The following CDC42BPB variants were observed in gnomAD, a reference collection of about 807,000 sequenced individuals.
The protein encoded by CDC42BPB is CDC42 binding protein kinase beta.
Under a neutral mutation model 214.9 loss-of-function variants are expected in CDC42BPB, and 37 were observed. The ratio of observed to expected loss-of-function variants is 0.17; its 90% confidence interval spans 0.13 to 0.23. The LOEUF is 0.23. Among genes scored for constraint, CDC42BPB ranks in the 10% least tolerant of loss-of-function variants. The pLI, the probability that CDC42BPB is intolerant of heterozygous loss-of-function variation, is 1.00. For missense variants in CDC42BPB, 1,694 were observed against 2,227.0 expected (o/e 0.76, Z 4.82); for synonymous variants, 931 against 884.0 (o/e 1.05, Z -0.94).
intron 25 of CDC42BPB, chr14:102,950,164 G>A: frequency 1.1e-6 from 1 of 924,300 alleles, no homozygotes; most frequent in Non-Finnish European, 1.3e-6. Flanking sequence ...CAGCCCGACA[G>A]TCTCGTAGAG....
chr14:102,946,986 A>G (rs1279699811), intron 27 of CDC42BPB: 3 of 419,262 alleles, frequency 7.2e-6, no homozygotes, highest in Non-Finnish European at 9.6e-6. Context: ...AATAATCATT[A>G]TAAAAGTAGA....
rs1343037423 is a variant in CDC42BPB at position 103,029,475 on chromosome 14, G to A, written c.176-17287C>T. The stretch of plus-strand genomic sequence containing the variant: ...GGAGAATGGCATGAACCTGGGAGAC[G>A]GAGCTTGCAGTGAGCCGAGATTGTG... On this transcript the variant is annotated intron_variant, in intron 1 of 36. Transcript: ENST00000361246. 5.3e-5 allele frequency among the ~76,000 whole-genome samples: 8 copies of A among 151,760 alleles called. No homozygotes were observed. In the East Asian group the frequency reaches 7.8e-4, roughly 15 times the overall value.
Position 102,966,268 on chromosome 14 carries a change from T to C in CDC42BPB, c.2577+14A>G, listed in dbSNP as rs1472369932. 8 of 1,585,988 alleles carry C rather than the reference T, an allele frequency of 5.0e-6. No homozygotes were observed. The highest frequency in any genetic ancestry group is 6.9e-6 in the Non-Finnish European group (8 of 1,154,574). On this transcript the variant is annotated intron_variant, in intron 18 of 36. Coordinates refer to ENST00000361246, the MANE Select transcript of CDC42BPB (RefSeq NM_006035.4). Reference sequence around the variant, plus strand: ...TATTCAGTAATAGAAATGCAGGCATTACACAAAACCTACCAGTGTTCTTGA... The same window carrying C: ...TATTCAGTAATAGAAATGCAGGCATCACACAAAACCTACCAGTGTTCTTGA...
At chr14:103,027,187 A>G (rs1887101205) in intron 1 of CDC42BPB, among the ~76,000 whole-genome samples, 1 of 152,198 alleles carries the variant, frequency 6.6e-6, no homozygotes, top group Non-Finnish European at 1.5e-5. Flanking sequence ...ACAAATCATA[A>G]CAAGCGTTGG....
Position 103,057,278 on chromosome 14 carries a change from G to T in CDC42BPB, c.-105C>A. The T allele has an allele frequency of 8.8e-7, 1 of 1,136,946 alleles. No homozygotes were observed. The highest frequency in any genetic ancestry group is 1.1e-6 in the Non-Finnish European group (1 of 928,064). The allele number at this position is 1,136,946 out of a possible 1,614,324, so 70.4% of individuals were successfully genotyped here. On this transcript the variant is annotated 5_prime_UTR_variant, in exon 1 of 37. In the 5' UTR this introduces an upstream ATG that the reference lacks. Transcript: ENST00000361246. ...TCGGCGGCTGCGAGCCCCGGCAGCAGCGGCGCCTCCTCGCCGCCCCGTCCG... is the reference window on the plus strand; with the variant it reads ...TCGGCGGCTGCGAGCCCCGGCAGCATCGGCGCCTCCTCGCCGCCCCGTCCG...
At position 102,983,589 on chromosome 14, in the gene CDC42BPB, G is replaced by T; in HGVS notation, c.858C>A (p.Leu286=). The T allele has an allele frequency of 6.2e-7, 1 of 1,608,246 alleles. No homozygotes were observed. Residue 286 remains leucine, a synonymous_variant, in exon 7 of 37, where the codon CTC becomes CTA. Transcript: ENST00000361246. The part of the protein sequence containing the change: ...YGETPFYAES[L]VETYGKIMNH... Reference sequence around the variant, plus strand: ...TCATGATCTTCCCATAGGTCTCCACGAGTGACTCCGCATAAAACGGCGTTT... The same window carrying T: ...TCATGATCTTCCCATAGGTCTCCACTAGTGACTCCGCATAAAACGGCGTTT...
chr14:102,993,921 G>T (rs1380413015), intron 5 of CDC42BPB, among the ~76,000 whole-genome samples: 1 of 152,192 alleles, frequency 6.6e-6, no homozygotes, highest in Non-Finnish European at 1.5e-5. Context: ...CATCATTTAG[G>T]CTTAACTTTT....
chr14:102,968,987 C>T, intron 14 of CDC42BPB: 2 of 702,368 alleles, frequency 2.8e-6, no homozygotes, highest in African/African-American at 3.9e-5. Context: ...TTGCAGCATT[C>T]TTCTGAGGGC....
At chr14:102,949,251 A>G (rs966511790) in intron 26 of CDC42BPB, among the ~76,000 whole-genome samples, 1 of 152,238 alleles carries the variant, frequency 6.6e-6, no homozygotes, top group East Asian at 1.9e-4. Flanking sequence ...CAACTCTAAG[A>G]GGAAGTGGGA....
chr14:102,945,791 C>T (rs775177678), intron 28 of CDC42BPB, 67 bp from the exon 29 acceptor site: 84 of 1,363,246 alleles, frequency 6.2e-5, no homozygotes, highest in South Asian at 5.8e-4. Flanking sequence ...GGTTTGAATG[C>T]GTGGGTGGGC....
chr14:102,941,679 T>A, intron 30 of CDC42BPB: 1 of 395,656 alleles, frequency 2.5e-6, no homozygotes, highest in Non-Finnish European at 3.4e-6. Context: ...GAAAAGATTC[T>A]AGTGAAACAG....
intron 1 of CDC42BPB, among the ~76,000 whole-genome samples, chr14:103,055,714 T>A (rs1206622267): frequency 6.6e-6 from 1 of 152,238 alleles, no homozygotes; most frequent in Non-Finnish European, 1.5e-5. Flanking sequence ...ACAGAAGCCC[T>A]CTAAAGAATA....
At chr14:103,029,384 T>C (rs974748629) in intron 1 of CDC42BPB, among the ~76,000 whole-genome samples, 11 of 145,780 alleles carry the variant, frequency 7.5e-5, no homozygotes, top group Admixed American at 4.8e-4. Context: ...TACTAAAAAA[T>C]ACAAAAAAAT....
intron 20 of CDC42BPB, among the ~76,000 whole-genome samples, chr14:102,961,103 G>T (rs1377677868): frequency 6.6e-6 from 1 of 152,048 alleles, no homozygotes; most frequent in African/African-American, 2.4e-5. Context: ...GAAAGTTGAG[G>T]CTGCAGTGAA....
chr14:103,026,808 C>T (rs1887082286), intron 1 of CDC42BPB, among the ~76,000 whole-genome samples: 3 of 151,580 alleles, frequency 2.0e-5, no homozygotes, highest in African/African-American at 4.9e-5. Flanking sequence ...GCGGAGCTTG[C>T]AGTGAGCTGA....
chr14:102,989,172 C>T (rs562600204), intron 5 of CDC42BPB, among the ~76,000 whole-genome samples: 181 of 152,142 alleles, frequency 1.2e-3, no homozygotes, highest in African/African-American at 4.1e-3. Flanking sequence ...GTCAACATCA[C>T]GAGAAAGGTG....
intron 2 of CDC42BPB, among the ~76,000 whole-genome samples, chr14:103,010,535 G>A (rs1886095739): frequency 6.6e-6 from 1 of 152,224 alleles, no homozygotes; most frequent in African/African-American, 2.4e-5. Flanking sequence ...ACTGGAAAAT[G>A]CACGCCCTGC....
At chr14:102,940,384 G>A (rs1016391580) in intron 30 of CDC42BPB, 60 bp from the exon 31 acceptor site, 44 of 1,547,160 alleles carry the variant, frequency 2.8e-5, no homozygotes, top group Admixed American at 9.8e-5. Flanking sequence ...ACCTGCCCTC[G>A]GGCCGGAGGC....
rs374768996 is a variant in CDC42BPB at position 102,964,661 on chromosome 14, G to C, written c.2578-11C>G. The C allele has an allele frequency of 1.3e-6, 2 of 1,584,298 alleles. No individual in the cohort carries two copies. Among genetic ancestry groups the C allele is most frequent in the South Asian group, 2.3e-5 (2 of 88,228 alleles). ...CTTCCACAGCGGGTCCTTGAGACACGGTCATGGCGTTAAAAATGCATTTTC... is the reference window on the plus strand; with the variant it reads ...CTTCCACAGCGGGTCCTTGAGACACCGTCATGGCGTTAAAAATGCATTTTC... On this transcript the variant is annotated splice_polypyrimidine_tract_variant and intron_variant, in intron 18 of 36. Transcript: ENST00000361246.
Sources: gnomAD v4.1 joint callset for allele counts (sites outside exome capture counted in the v4.1 genomes callset) on GRCh38, gnomAD v4.1.1 for gene constraint, MANE v1.5 for transcripts, NCBI Gene and HGNC (gene_info 2026-07-23, HGNC 2026-07-21) for gene names.